Variants in CLASRP observed in about 807,000 individuals in gnomAD.
The protein encoded by CLASRP is CLK4-associating serine/arginine rich protein.
A neutral mutation model predicts 99.9 loss-of-function variants in CLASRP; 52 were observed. The ratio of observed to expected loss-of-function variants is 0.52; its 90% CI spans 0.42 to 0.66. The LOEUF (loss-of-function observed/expected upper bound fraction) is 0.66. Among genes scored for constraint, CLASRP ranks in the 30% least tolerant of loss-of-function variants. CLASRP has a pLI of 0.00. For missense variants in CLASRP, 848 were observed against 999.2 expected, an observed-to-expected ratio of 0.85 and a Z score of 2.04; for synonymous variants, 379 against 373.0, an observed-to-expected ratio of 1.02 and a Z score of -0.18.
rs543015989 is a variant in CLASRP, at chr19:45,067,145, G to A, written c.1410-192G>A. Among the ~76,000 whole-genome samples the A allele has an allele frequency of 3.9e-5, 6 of 152,330 alleles. No individual in the cohort carries two copies. In the South Asian group the frequency reaches 8.3e-4, roughly 21 times the overall value. ...CCCTTAGGCTGAGTGTATCTAGAGC[G>A]CCATCTCTGTAGCCGGAGGGAGGCC... On this transcript the variant is annotated intron_variant, in intron 13 of 20. Transcript: ENST00000221455. This position sits in a 1 kb window ranked among gnomAD's most constrained non-coding sequence, Gnocchi z 4.9.
chr19:45,064,142 G>A lies in CLASRP; in HGVS notation c.1036G>A (p.Ala346Thr). 1 of 1,611,262 alleles carries A rather than the reference G, an allele frequency of 6.2e-7. No homozygotes were observed. Among genetic ancestry groups the A allele is most frequent in the Non-Finnish European group, 8.5e-7 (1 of 1,179,476 alleles). ...DEEAAAAAAA[A>T]AASGVTTGKP... ...GGAGGCAGCCGCAGCCGCTGCTGCC[G>A]CAGCAGCATCAGGAGTCACCACAGG... Residue 346 changes from alanine to threonine, a missense_variant, in exon 12 of 21, where the codon GCA becomes ACA. Ala to Thr is a moderately conservative substitution (Grantham distance 58). Coordinates refer to ENST00000221455, the MANE Select transcript of CLASRP (RefSeq NM_007056.3).
At chr19:45,065,749 C>A (rs1239649492) in intron 13 of CLASRP, among the ~76,000 whole-genome samples, 1 of 152,120 alleles carries the variant, frequency 6.6e-6, no homozygotes, top group Non-Finnish European at 1.5e-5. Context: ...GACTGCAGGG[C>A]ACCTGCCTGA....
In CLASRP at chr19:45,064,429, G is replaced by A. The variant is rs749540610; in HGVS notation, c.1208G>A (p.Arg403His). ...RSSSRSSSRSRRGGGYYRSGR... is the reference protein window; with the variant it reads ...RSSSRSSSRSHRGGGYYRSGR... ...AGCTCTCGCTCCAGCTCCCGCTCTCGCCGTGGTGGGGGCTACTACCGTTCC... is the reference window on the plus strand; with the variant it reads ...AGCTCTCGCTCCAGCTCCCGCTCTCACCGTGGTGGGGGCTACTACCGTTCC... The change falls in exon 13 of 21, where the codon CGC becomes CAC. Residue 403 changes from arginine to histidine, a missense_variant. Around this residue, in one of 8 missense-constraint regions of CLASRP, gnomAD observed 489 missense variants for 434.7 expected, o/e 1.12. Coordinates refer to ENST00000221455, the MANE Select transcript of CLASRP (RefSeq NM_007056.3). The A allele has an allele frequency of 1.1e-5, 17 of 1,528,176 alleles. No homozygotes were observed. In the East Asian group the frequency reaches 3.0e-4, roughly 27 times the overall value. The allele number at this position is 1,528,176 out of a possible 1,614,324, so 94.7% of individuals were successfully genotyped here. A position where few individuals can be genotyped will look rare whatever the true frequency, so the allele number is the denominator to read the frequency against.
rs1967184150 is a variant in CLASRP at position 45,069,527 on chromosome 19, G to A, written c.1874+279G>A. The A allele has an allele frequency of 5.2e-6, 3 of 575,056 alleles. No homozygotes were observed. In the Admixed American group the frequency reaches 9.1e-5, roughly 17 times the overall value. The allele number at this position is 575,056 out of a possible 1,614,324, so 35.6% of individuals were successfully genotyped here. A position where few individuals can be genotyped will look rare whatever the true frequency, so the allele number is the denominator to read the frequency against. Reference sequence around the variant, plus strand: ...TGCTGTTTTTTTGGCCTGGCAAGCTGTTCCTGATACCCCTTCCCCACTCAC... The same window carrying A: ...TGCTGTTTTTTTGGCCTGGCAAGCTATTCCTGATACCCCTTCCCCACTCAC... On this transcript the variant is annotated intron_variant, in intron 18 of 20. Transcript: ENST00000221455.
intron 13 of CLASRP, among the ~76,000 whole-genome samples, chr19:45,066,396 G>A (rs1967087825): frequency 6.6e-6 from 1 of 152,034 alleles, no homozygotes; most frequent in South Asian, 2.1e-4. Context: ...GGGATTACAG[G>A]CGTGAGCCAC....
In CLASRP at chr19:45,064,002, C is replaced by G. The variant is rs776312828; in HGVS notation, c.906-10C>G. ...CCTGAGCTAGTGAGCCTCCTCCTCC[C>G]TACCCGCAGGTCACCCTCGGAGTCC... On this transcript the variant is annotated splice_polypyrimidine_tract_variant and intron_variant, in intron 11 of 20. Coordinates refer to ENST00000221455, the MANE Select transcript of CLASRP (RefSeq NM_007056.3). The G allele has an allele frequency of 6.2e-7, 1 of 1,602,068 alleles. No homozygotes were observed. The highest frequency in any genetic ancestry group is 8.5e-7 in the Non-Finnish European group (1 of 1,174,530).
rs75895703 is a variant in CLASRP, at chr19:45,067,535, C to T, written c.1608C>T (p.Pro536=). ...RSRSQSPSPS[P]AREKLTRPAA... is the part of the protein sequence containing the mutation. Reference sequence around the variant, plus strand: ...GCAGCCAGAGCCCCTCGCCATCACCCGCAAGAGAGAAGCTGACCAGGCCGG... The same window carrying T: ...GCAGCCAGAGCCCCTCGCCATCACCTGCAAGAGAGAAGCTGACCAGGCCGG... The change falls in exon 14 of 21, where the codon CCC becomes CCT. Residue 536 remains proline, a synonymous_variant. Coordinates refer to ENST00000221455, the MANE Select transcript of CLASRP (RefSeq NM_007056.3). The surrounding 1 kb of genome is among the most constrained non-coding windows in gnomAD (Gnocchi z 4.9). 2,400 of 1,604,270 alleles carry T rather than the reference C, an allele frequency of 1.5e-3. 27 individuals carry two copies. In the African/African-American group the frequency reaches 0.027, roughly 18 times the overall value.
In CLASRP at chr19:45,056,483, T is replaced by C. The variant is rs757459358; in HGVS notation, c.413T>C (p.Ile138Thr). Residue 138 changes from isoleucine (I) to threonine (T), a missense_variant, in exon 6 of 21, where the codon ATT becomes ACT. Coordinates refer to ENST00000221455, the MANE Select transcript of CLASRP (RefSeq NM_007056.3). The stretch of plus-strand genomic sequence containing the variant: ...GAGCAGTGCCTGTACCAGATCTACA[T>C]TGATGAGTTGTACGGAGGCCTCCAG... ...SEEQCLYQIY[I>T]DELYGGLQRP... is the part of the protein sequence containing the mutation. The C allele has an allele frequency of 5.0e-6, 8 of 1,613,550 alleles. No individual in the cohort carries two copies. The highest frequency in any genetic ancestry group is 1.1e-5 in the South Asian group (1 of 91,038).
chr19:45,049,973 G>A (rs897167543), intron 2 of CLASRP, among the ~76,000 whole-genome samples: 2 of 152,192 alleles, frequency 1.3e-5, no homozygotes, highest in Non-Finnish European at 2.9e-5. Context: ...AGGAGCTGGG[G>A]TAGATAAGTG....
intron 2 of CLASRP, among the ~76,000 whole-genome samples, chr19:45,046,635 G>T (rs940996470): frequency 8.5e-5 from 13 of 152,204 alleles, no homozygotes; most frequent in African/African-American, 3.1e-4. Flanking sequence ...CCTAGCACAA[G>T]GTCTGCTTAA....
At chr19:45,041,261 A>G (rs1333996033) in intron 2 of CLASRP, among the ~76,000 whole-genome samples, 4 of 151,944 alleles carry the variant, frequency 2.6e-5, no homozygotes, top group Non-Finnish European at 5.9e-5. Context: ...CTCAAAAAAA[A>G]AGGAGTGAAT....
intron 13 of CLASRP, among the ~76,000 whole-genome samples, chr19:45,066,398 G>C (rs527753360): frequency 2.0e-5 from 3 of 152,024 alleles, no homozygotes; most frequent in Admixed American, 2.0e-4. Flanking sequence ...GATTACAGGC[G>C]TGAGCCACCG....
chr19:45,068,855 TTGG>T (rs1568423364), intron 16 of CLASRP, among the ~76,000 whole-genome samples: 1 of 152,084 alleles, frequency 6.6e-6, no homozygotes, highest in Non-Finnish European at 1.5e-5. Context: ...GCCAGGCATG[TTGG>T]TGGGCGCCTG....
At chr19:45,046,649 TTGAA>T (rs571848145) in intron 2 of CLASRP, among the ~76,000 whole-genome samples, 2 of 152,098 alleles carry the variant, frequency 1.3e-5, no homozygotes, top group African/African-American at 4.8e-5. Context: ...TGCTTAACAG[TTGAA>T]TGAATGAATG....
chr19:45,059,635 C>T (rs751010059), intron 8 of CLASRP, among the ~76,000 whole-genome samples: 6 of 152,168 alleles, frequency 3.9e-5, no homozygotes, highest in Non-Finnish European at 8.8e-5. Context: ...GATTCCTAGG[C>T]TGGGGGACAG....
intron 1 of CLASRP, 172 bp from the exon 2 acceptor site, chr19:45,040,012 T>C: frequency 2.1e-6 from 1 of 472,832 alleles, no homozygotes; most frequent in South Asian, 2.6e-5. Context: ...TCGAAGTTGT[T>C]AGGGATGGAC....
At chr19:45,063,436 CTTTTTTTTTTTTTT>C (rs565600159) in intron 11 of CLASRP, among the ~76,000 whole-genome samples, 3 of 42,348 alleles carry the variant, frequency 7.1e-5, no homozygotes, top group Non-Finnish European at 9.2e-5. Context: ...ATCTGCTTAT[CTTTTTTTTTTTTTT>C]TTTTTTTTTT....
At chr19:45,050,050 A>C (rs981600136) in intron 2 of CLASRP, among the ~76,000 whole-genome samples, 1 of 152,174 alleles carries the variant, frequency 6.6e-6, no homozygotes, top group Non-Finnish European at 1.5e-5. Flanking sequence ...GCGGGGGAGC[A>C]GAAGCACAGA....
intron 16 of CLASRP, 88 bp from the exon 17 acceptor site, chr19:45,068,978 A>C (rs1317826952): frequency 8.2e-7 from 1 of 1,213,240 alleles, no homozygotes; most frequent in Non-Finnish European, 1.2e-6. Flanking sequence ...CGACAGAGCG[A>C]GACTCTGTCT....
Sources: allele counts gnomAD v4.1 joint callset (sites outside exome capture counted in the v4.1 genomes callset), GRCh38; gene constraint gnomAD v4.1.1; regional missense constraint gnomAD v4.1.1; non-coding constraint Gnocchi (gnomAD v3.1); transcripts MANE v1.5; gene names NCBI Gene and HGNC (gene_info 2026-07-23, HGNC 2026-07-21).